ITGB5: variants seen among roughly 807,000 people sequenced by gnomAD.
ITGB5 encodes the protein integrin subunit beta 5, also known as integrin beta-5.
In ITGB5, 38 loss-of-function variants were observed where a neutral mutation model predicts 84.8. The ratio of observed to expected loss-of-function variants is 0.45; its 90% CI spans 0.35 to 0.59. ITGB5 has a LOEUF of 0.59. ITGB5 is among the 20% of genes least tolerant of loss of function. ITGB5 has a pLI of 0.01. For synonymous variants in ITGB5, 393 were observed against 414.4 expected (o/e 0.95, Z 0.63); for missense variants, 905 against 1,034.5 (o/e 0.87, Z 1.72).
chr3:124,802,871 G>A (rs548573219), intron 9 of ITGB5, among the ~76,000 whole-genome samples: 1 of 152,286 alleles, frequency 6.6e-6, no homozygotes, highest in East Asian at 1.9e-4. Flanking sequence ...AGCCCTCGCA[G>A]TGGAGTCAGG....
intron 9 of ITGB5, among the ~76,000 whole-genome samples, chr3:124,801,028 C>G (rs1030179888): frequency 2.8e-4 from 42 of 152,340 alleles, no homozygotes; most frequent in Non-Finnish European, 1.5e-5. Context: ...CAGCCCCCAC[C>G]CTGAACCCAC....
chr3:124,766,074 A>T (rs1365564224), intron 13 of ITGB5, 152 bp downstream of exon 13: 3 of 814,354 alleles, frequency 3.7e-6, no homozygotes, highest in Non-Finnish European at 5.6e-6. Flanking sequence ...AAAAAAAAAA[A>T]AAGAAAAAGA....
intron 9 of ITGB5, among the ~76,000 whole-genome samples, chr3:124,806,343 G>A (rs116727716): frequency 0.024 from 3,548 of 150,692 alleles, 133 homozygotes; most frequent in African/African-American, 0.077. Context: ...TTCCTGACAT[G>A]CTACACCAAA....
At chr3:124,795,248 T>A (rs1307472585) in intron 10 of ITGB5, among the ~76,000 whole-genome samples, 3 of 128,606 alleles carry the variant, frequency 2.3e-5, no homozygotes, top group Non-Finnish European at 4.7e-5. Context: ...TCCCAGTACT[T>A]TGGGAGGCTG....
chr3:124,839,481 A>C (rs1323757211), intron 5 of ITGB5, among the ~76,000 whole-genome samples: 1 of 152,220 alleles, frequency 6.6e-6, no homozygotes, highest in Non-Finnish European at 1.5e-5. Flanking sequence ...CTAATTGAAT[A>C]AAATATACTC....
intron 1 of ITGB5, among the ~76,000 whole-genome samples, chr3:124,885,254 G>A (rs1420023283): frequency 1.3e-5 from 2 of 151,782 alleles, no homozygotes; most frequent in East Asian, 3.9e-4. Flanking sequence ...TGGGCTACAA[G>A]ACTGAAACTC....
At chr3:124,824,801 G>A (rs748511122) in intron 5 of ITGB5, among the ~76,000 whole-genome samples, 18 of 152,144 alleles carry the variant, frequency 1.2e-4, no homozygotes, top group Non-Finnish European at 2.4e-4. Flanking sequence ...AACATCATTA[G>A]TCATTAAGGA....
Position 124,859,053 on chromosome 3 carries a change from G to A in ITGB5, c.361+189C>T, listed in dbSNP as rs141514154. Among the ~76,000 whole-genome samples the A allele has an allele frequency of 2.1e-3, 322 of 152,204 alleles. 2 individuals are homozygous for A. The highest frequency in any genetic ancestry group is 7.2e-3 in the African/African-American group (298 of 41,514). On this transcript the variant is annotated intron_variant, in intron 3 of 14. Coordinates refer to ENST00000296181, the MANE Select transcript of ITGB5 (RefSeq NM_002213.5). ...AGCAAAGATCTTCCTCTGTCCACAGGAGCCTGTCCACAGACACATCAATAA... is the reference window on the plus strand; with the variant it reads ...AGCAAAGATCTTCCTCTGTCCACAGAAGCCTGTCCACAGACACATCAATAA...
intron 10 of ITGB5, among the ~76,000 whole-genome samples, chr3:124,786,302 T>C (rs553146254): frequency 1.3e-5 from 2 of 152,020 alleles, no homozygotes; most frequent in South Asian, 4.2e-4. Flanking sequence ...TTTGGAAGGC[T>C]GAGAAGGGAG....
At chr3:124,823,194 T>G (rs556407883) in intron 5 of ITGB5, among the ~76,000 whole-genome samples, 6 of 152,178 alleles carry the variant, frequency 3.9e-5, no homozygotes, top group Non-Finnish European at 8.8e-5. Context: ...GCCCAGGAGT[T>G]TGAGACTGCA....
At chr3:124,844,926 A>C (rs1319458271) in intron 4 of ITGB5, among the ~76,000 whole-genome samples, 1 of 152,144 alleles carries the variant, frequency 6.6e-6, no homozygotes, top group Non-Finnish European at 1.5e-5. Flanking sequence ...TAACAGAAAA[A>C]CTAGTCCCAC....
intron 5 of ITGB5, among the ~76,000 whole-genome samples, chr3:124,835,430 G>C (rs538108298): frequency 6.6e-6 from 1 of 152,350 alleles, no homozygotes; most frequent in Non-Finnish European, 1.5e-5. Flanking sequence ...CAACCCTACA[G>C]GGCAGAGGGT....
intron 8 of ITGB5, among the ~76,000 whole-genome samples, chr3:124,810,986 G>A (rs2064492657): frequency 6.7e-6 from 1 of 148,450 alleles, no homozygotes; most frequent in African/African-American, 2.6e-5. Flanking sequence ...GAAATATGTA[G>A]TTTTCCAGCA....
At chr3:124,858,983 T>G (rs1047089441) in intron 3 of ITGB5, among the ~76,000 whole-genome samples, 1 of 152,156 alleles carries the variant, frequency 6.6e-6, no homozygotes, top group African/African-American at 2.4e-5. Context: ...TGAAAACGCT[T>G]AAATGGTAAA....
upstream of ITGB5, among the ~76,000 whole-genome samples, chr3:124,889,968 C>T (rs1241436187): frequency 1.3e-5 from 2 of 151,910 alleles, no homozygotes; most frequent in Non-Finnish European, 2.9e-5. Flanking sequence ...GCCAAGATAG[C>T]GCCACTGCAC....
intron 10 of ITGB5, chr3:124,787,867 G>A (rs1457951939): frequency 6.7e-6 from 1 of 150,340 alleles, no homozygotes; most frequent in Admixed American, 6.6e-5. Flanking sequence ...GTACCTTTTT[G>A]CTTTTCAAGT....
At chr3:124,847,125 C>T (rs995865602) in intron 4 of ITGB5, among the ~76,000 whole-genome samples, 3 of 152,172 alleles carry the variant, frequency 2.0e-5, no homozygotes, top group African/African-American at 7.2e-5. Flanking sequence ...AGATAATCCA[C>T]AGAAAATATT....
chr3:124,841,636 G>A, intron 4 of ITGB5, 85 bp from the exon 5 acceptor site: 1 of 1,325,586 alleles, frequency 7.5e-7, no homozygotes, highest in Non-Finnish European at 1.1e-6. Flanking sequence ...TGAGTGCCTT[G>A]AGAGGCACCA....
chr3:124,827,724 G>T (rs962829730), intron 5 of ITGB5, among the ~76,000 whole-genome samples: 13 of 152,128 alleles, frequency 8.5e-5, no homozygotes, highest in Admixed American at 2.0e-4. Flanking sequence ...CAGATGGCCC[G>T]CAGCAAGTGA....
Sources: allele counts gnomAD v4.1 joint callset (sites outside exome capture counted in the v4.1 genomes callset), GRCh38; gene constraint gnomAD v4.1.1; transcripts MANE v1.5; gene names NCBI Gene and HGNC (gene_info 2026-07-23, HGNC 2026-07-21).